LMNA: variants seen among roughly 807,000 people sequenced by gnomAD.
LMNA encodes the protein lamin A/C, also known as lamin.
A neutral mutation model predicts 70.4 loss-of-function variants in LMNA; 20 were observed. That is an observed-to-expected ratio of 0.28 (90% confidence interval 0.20 to 0.41). LMNA has a LOEUF of 0.41. Among genes scored for constraint, LMNA ranks in the 10% least tolerant of loss-of-function variants. The probability of loss-of-function intolerance (pLI) is 1.00; values close to 1 mark genes in which losing one functional copy is unlikely to be tolerated. For missense variants in LMNA, 652 were observed against 917.2 expected (o/e 0.71, Z 3.73); for synonymous variants, 339 against 372.8 (o/e 0.91, Z 1.04).
At chr1:156,112,731 T>A (rs908075214), upstream of LMNA, among the ~76,000 whole-genome samples, 11 of 152,166 alleles carry the variant, frequency 7.2e-5, no homozygotes. Flanking sequence ...AGAACTTTCC[T>A]TGTTCCCCTC....
chr1:156,111,986 A>C (rs1319267040), upstream of LMNA, among the ~76,000 whole-genome samples: 1 of 152,232 alleles, frequency 6.6e-6, no homozygotes, highest in East Asian at 1.9e-4. Flanking sequence ...TTGAATATTC[A>C]GGATAAAGTT....
At chr1:156,126,591 G>A (rs1242794721) in intron 1 of LMNA, 1 of 864,530 alleles carries the variant, frequency 1.2e-6, no homozygotes, top group South Asian at 1.4e-5. Flanking sequence ...TGCAGCTGGG[G>A]AGCCGGACTT....
Position 156,115,416 on chromosome 1 carries a change from C to A in LMNA, c.356+142C>A. The A allele has an allele frequency of 1.3e-6, 1 of 763,822 alleles. No homozygotes were observed. The highest frequency in any genetic ancestry group is 2.2e-6 in the Non-Finnish European group (1 of 448,330). 47.3% of individuals were successfully genotyped at this position (763,822 alleles called of 1,614,324 possible). On this transcript the variant is annotated intron_variant, in intron 1 of 11. Transcript: ENST00000368300. The surrounding 1 kb of genome is among the most constrained non-coding windows in gnomAD (Gnocchi z 5.8). ...AGTCTCCTCCCTCCCCGGAACTGCC[C>A]CCAGCGGGTGACTGGCAGTGTCAAG...
chr1:156,124,549 A>T (rs1324434107), intron 1 of LMNA, among the ~76,000 whole-genome samples: 3 of 152,112 alleles, frequency 2.0e-5, no homozygotes, highest in African/African-American at 7.2e-5. Context: ...GGCCTCCCAA[A>T]GTGCTGGGAT....
At chr1:156,092,890 C>CTTTTTTTTTT (rs568056544) in intron 3 of LMNA, among the ~76,000 whole-genome samples, 1 of 135,654 alleles carries the variant, frequency 7.4e-6, no homozygotes, top group African/African-American at 2.7e-5. Context: ...TTCTTTTTTT[C>CTTTTTTTTTT]TTTTTTTTTT....
chr1:156,086,393 ACTCT>A lies in LMNA; in HGVS notation c.-319+3238_-319+3241del, dbSNP rs55740793. Among the ~76,000 whole-genome samples, 1,079 of 146,288 alleles carry A rather than the reference ACTCT, an allele frequency of 7.4e-3. 9 individuals are homozygous for A. The highest frequency in any genetic ancestry group is 0.043 in the South Asian group (198 of 4,596). ...AGCCCTGGAATGCAGGTGACCTCTG[ACTCT>A]CTCTCTCTCTCTCTCTCTCTCTCTC... On this transcript the variant is annotated intron_variant, in intron 2 of 12. Transcript: ENST00000368301.
At chr1:156,088,975 A>G (rs1015564663) in intron 2 of LMNA, among the ~76,000 whole-genome samples, 4 of 152,030 alleles carry the variant, frequency 2.6e-5, no homozygotes, top group African/African-American at 9.7e-5. Context: ...TGATTAATTT[A>G]TTTGTTTGTT....
chr1:156,127,101 A>G (rs548289260), intron 1 of LMNA, among the ~76,000 whole-genome samples: 1 of 152,228 alleles, frequency 6.6e-6, no homozygotes, highest in South Asian at 2.1e-4. Context: ...CCCCCAGTGG[A>G]GTGGGCTGCA....
chr1:156,091,743 A>G (rs1648711047), intron 3 of LMNA, among the ~76,000 whole-genome samples: 1 of 152,148 alleles, frequency 6.6e-6, no homozygotes, highest in African/African-American at 2.4e-5. Context: ...CTGATACTCT[A>G]CTGGGGAGGA....
intron 3 of LMNA, among the ~76,000 whole-genome samples, chr1:156,106,500 T>TC (rs1229616812): frequency 6.6e-6 from 1 of 152,180 alleles, no homozygotes; most frequent in Admixed American, 6.5e-5. Context: ...GCACCAGCCG[T>TC]CAGGCCCTCG....
intron 2 of LMNA, among the ~76,000 whole-genome samples, chr1:156,084,844 C>T (rs1001707461): frequency 6.6e-6 from 1 of 152,230 alleles, no homozygotes; most frequent in African/African-American, 2.4e-5. Context: ...TGCTTTCCTC[C>T]TCACTAAGCT....
intron 2 of LMNA, among the ~76,000 whole-genome samples, chr1:156,085,484 AGAGGT>A (rs1314871481): frequency 1.3e-5 from 2 of 152,232 alleles, no homozygotes; most frequent in African/African-American, 4.8e-5. Flanking sequence ...AGAAAGGTGT[AGAGGT>A]GGCATACTTC....
chr1:156,130,905 G>A lies in LMNA; in HGVS notation c.513+132G>A. 1.3e-5 allele frequency: 11 copies of A among 877,192 alleles called. No homozygotes were observed. The South Asian group carries it at 1.8e-4, about 14-fold the overall frequency. The allele number at this position is 877,192 out of a possible 1,614,324, so 54.3% of individuals were successfully genotyped here. A position where few individuals can be genotyped will look rare whatever the true frequency, so the allele number is the denominator to read the frequency against. ...ATTTCAGAGCCATTCACCTGTCCTA[G>A]AGTCATTTTACCCACTGAGGTCACA... On this transcript the variant is annotated intron_variant, in intron 2 of 11. Transcript: ENST00000368300.
Position 156,135,881 on chromosome 1 carries a change from A to G in LMNA, c.937-20A>G. The G allele has an allele frequency of 1.2e-6, 2 of 1,606,410 alleles. No homozygotes were observed. Among genetic ancestry groups the G allele is most frequent in the South Asian group, 2.2e-5 (2 of 90,844 alleles). ...CTTAGGGCCCTTGGGAGCTCACCAA[A>G]CCCTCCCACCCCCCTTCAGCTGGCA... On this transcript the variant is annotated intron_variant, in intron 5 of 11. Coordinates refer to ENST00000368300, the MANE Select transcript of LMNA (RefSeq NM_170707.4). This position sits in a 1 kb window ranked among gnomAD's most constrained non-coding sequence, Gnocchi z 4.8.
chr1:156,139,336 T>C lies in LMNA; in HGVS notation c.*230T>C, dbSNP rs955563329. The C allele has an allele frequency of 4.2e-5, 60 of 1,411,884 alleles. No homozygotes were observed. Among genetic ancestry groups the C allele is most frequent in the Non-Finnish European group, 5.1e-5 (55 of 1,089,064 alleles). 87.5% of individuals were successfully genotyped at this position (1,411,884 alleles called of 1,614,324 possible). The stretch of plus-strand genomic sequence containing the variant: ...AAAAAAAGCATCTATCTCATCTATC[T>C]CAATCCTAATTTCTCCTCCCTTCCT... On this transcript the variant is annotated 3_prime_UTR_variant, in exon 12 of 12. Transcript: ENST00000368300.
At position 156,135,279 on chromosome 1, in the gene LMNA, CCT is replaced by C. The variant is rs59684335; in HGVS notation, c.908_909del (p.Ser303CysfsTer27). On this transcript the variant is annotated frameshift_variant, in exon 5 of 12. Transcript: ENST00000368300. LOFTEE classifies it high-confidence loss of function. The surrounding 1 kb of genome is among the most constrained non-coding windows in gnomAD (Gnocchi z 4.8). ...LQQSRIRIDSLSAQLSQLQKQ... is the reference protein window; with the variant it reads ...LQQSRIRIDSXSAQLSQLQKQ... ...AGCAGTCGCGCATCCGCATCGACAGCCTCTCTGCCCAGCTCAGCCAGCTCCAG... is the reference window on the plus strand; with the variant it reads ...AGCAGTCGCGCATCCGCATCGACAGCCTCTGCCCAGCTCAGCCAGCTCCAG... 6.2e-7 allele frequency: 1 copy of C among 1,613,586 alleles called. No homozygotes were observed. Among genetic ancestry groups the C allele is most frequent in the Non-Finnish European group, 8.5e-7 (1 of 1,180,026 alleles).
chr1:156,134,590 C>T lies in LMNA; in HGVS notation c.639+62C>T. The stretch of plus-strand genomic sequence containing the variant: ...TGGGTGATGACAGACTTGGGCTGGG[C>T]TAGGGGGGACCAGCTGTGTGCAGAG... On this transcript the variant is annotated intron_variant, in intron 3 of 11. Coordinates refer to ENST00000368300, the MANE Select transcript of LMNA (RefSeq NM_170707.4). The surrounding 1 kb of genome is among the most constrained non-coding windows in gnomAD (Gnocchi z 5.3). 1 of 1,608,916 alleles carries T rather than the reference C, an allele frequency of 6.2e-7. No individual in the cohort carries two copies. Among genetic ancestry groups the T allele is most frequent in the Admixed American group, 1.7e-5 (1 of 59,954 alleles).
chr1:156,139,601 GAGA>G lies in LMNA; in HGVS notation c.*496_*498del. 1 of 1,419,528 alleles carries G rather than the reference GAGA, an allele frequency of 7.0e-7. No homozygotes were observed. Among genetic ancestry groups the G allele is most frequent in the Non-Finnish European group, 9.1e-7 (1 of 1,093,798 alleles). 87.9% of individuals were successfully genotyped at this position (1,419,528 alleles called of 1,614,324 possible). A position where few individuals can be genotyped will look rare whatever the true frequency, so the allele number is the denominator to read the frequency against. ...AGCCTCCGAGAGGGAGAGAGAGAGA[GAGA>G]GGACAGCTTGAGCCGGGCCCCTGGG... On this transcript the variant is annotated 3_prime_UTR_variant, in exon 12 of 12. Coordinates refer to ENST00000368300, the MANE Select transcript of LMNA (RefSeq NM_170707.4).
At chr1:156,126,107 A>G (rs1180930194) in intron 1 of LMNA, 2 of 1,414,294 alleles carry the variant, frequency 1.4e-6, no homozygotes, top group Non-Finnish European at 1.9e-6. Context: ...CCCTGTACCC[A>G]CCCGGCCACA....
Sources: gnomAD v4.1 joint callset for allele counts (sites outside exome capture counted in the v4.1 genomes callset) on GRCh38, gnomAD v4.1.1 for gene constraint, Gnocchi (gnomAD v3.1) non-coding constraint, MANE v1.5 for transcripts, NCBI Gene and HGNC (gene_info 2026-07-23, HGNC 2026-07-21) for gene names.